The following ZNF385D variants were observed in gnomAD, a reference collection of about 807,000 sequenced individuals.
ZNF385D encodes zinc finger protein 385D, also known as zinc finger protein 659.
In ZNF385D, 15 loss-of-function variants were observed where a neutral mutation model predicts 35.8. That is an observed-to-expected ratio of 0.42 (90% CI 0.28 to 0.64). The LOEUF (loss-of-function observed/expected upper bound fraction) is 0.64, where lower values mean the gene tolerates loss of function less well. ZNF385D is among the 30% of genes least tolerant of loss of function. ZNF385D has a pLI of 0.23. For missense variants in ZNF385D, 474 were observed against 494.6 expected, an observed-to-expected ratio of 0.96 and a Z score of 0.39; for synonymous variants, 212 against 186.8, an observed-to-expected ratio of 1.13 and a Z score of -1.10.
chr3:22,290,003 C>A (rs961021393), intron 2 of ZNF385D, among the ~76,000 whole-genome samples: 2 of 152,074 alleles, frequency 1.3e-5, no homozygotes, highest in African/African-American at 4.8e-5. Context: ...TGAGTTTTAG[C>A]CCCTTTTCTG....
rs1237748022 is a variant in ZNF385D, at chr3:22,029,236, C to A, written c.325+139581G>T. 4.7e-4 allele frequency among the ~76,000 whole-genome samples: 72 copies of A among 152,292 alleles called. 2 individuals carry two copies. In the East Asian group the frequency reaches 0.013, roughly 27 times the overall value. ...TTACAGTGTTGGTTTGGGTGACTTACTTGCACTATCAAGATGAAATTAATC... is the reference window on the plus strand; with the variant it reads ...TTACAGTGTTGGTTTGGGTGACTTAATTGCACTATCAAGATGAAATTAATC... On this transcript the variant is annotated intron_variant, in intron 3 of 5. Transcript: ENST00000494108.
At chr3:22,063,613 G>C (rs1396740165) in intron 3 of ZNF385D, among the ~76,000 whole-genome samples, 2 of 152,142 alleles carry the variant, frequency 1.3e-5, no homozygotes, top group Admixed American at 6.6e-5. Context: ...TATATTTGTA[G>C]AGGATGCTGT....
chr3:21,802,772 T>C (rs2072464924), intron 3 of ZNF385D, among the ~76,000 whole-genome samples: 1 of 152,140 alleles, frequency 6.6e-6, no homozygotes, highest in African/African-American at 2.4e-5. Context: ...AGCATAAAAA[T>C]GCTTACCTGT....
chr3:22,150,073 T>C (rs17648404), intron 3 of ZNF385D, among the ~76,000 whole-genome samples: 10,345 of 152,298 alleles, frequency 0.068, 544 homozygotes, highest in Non-Finnish European at 0.097. Context: ...TGAAGTACTT[T>C]CATCTGCATT....
intron 3 of ZNF385D, among the ~76,000 whole-genome samples, chr3:22,153,464 CTTTTTTT>C (rs769926281): frequency 2.7e-5 from 3 of 109,326 alleles, no homozygotes; most frequent in African/African-American, 1.1e-4. Flanking sequence ...TGAAATTCTT[CTTTTTTT>C]TTTTTTTTTT....
At chr3:21,508,241 G>T (rs233159) in intron 4 of ZNF385D, among the ~76,000 whole-genome samples, 1 of 151,930 alleles carries the variant, frequency 6.6e-6, no homozygotes, top group Non-Finnish European at 1.5e-5. Context: ...GCATGTTTAT[G>T]TTATCTTCAA....
intron 1 of ZNF385D, among the ~76,000 whole-genome samples, chr3:21,717,504 T>C (rs892797884): frequency 6.6e-6 from 1 of 152,204 alleles, no homozygotes; most frequent in Non-Finnish European, 1.5e-5. Context: ...ATACAAAGCC[T>C]CAGCATGTCA....
chr3:21,917,063 T>A (rs1026610000), intron 3 of ZNF385D, among the ~76,000 whole-genome samples: 2 of 152,156 alleles, frequency 1.3e-5, no homozygotes, highest in Admixed American at 1.3e-4. Flanking sequence ...AGAAAGAGAA[T>A]CCATTAAATA....
At chr3:22,131,816 A>G (rs947380166) in intron 3 of ZNF385D, among the ~76,000 whole-genome samples, 5 of 152,202 alleles carry the variant, frequency 3.3e-5, no homozygotes, top group African/African-American at 1.2e-4. Flanking sequence ...TTAAACCTTA[A>G]GGGAAAGTAT....
At chr3:22,111,635 G>T (rs1176711534) in intron 3 of ZNF385D, among the ~76,000 whole-genome samples, 1 of 152,140 alleles carries the variant, frequency 6.6e-6, no homozygotes, top group Non-Finnish European at 1.5e-5. Flanking sequence ...CTGACTTAGT[G>T]AATTGAACAC....
intron 1 of ZNF385D, among the ~76,000 whole-genome samples, chr3:21,707,508 G>A (rs569926262): frequency 1.1e-4 from 17 of 152,272 alleles, no homozygotes; most frequent in Admixed American, 4.6e-4. Flanking sequence ...GACATTGTGA[G>A]TGCTTCTTTG....
intron 2 of ZNF385D, among the ~76,000 whole-genome samples, chr3:22,286,155 TATCA>T (rs1295064686): frequency 6.6e-6 from 1 of 152,128 alleles, no homozygotes; most frequent in Admixed American, 6.6e-5. Context: ...CATTATTTTT[TATCA>T]ATCACATATA....
chr3:21,760,127 G>T (rs917379849), intron 3 of ZNF385D, among the ~76,000 whole-genome samples: 1 of 152,124 alleles, frequency 6.6e-6, no homozygotes, highest in South Asian at 2.1e-4. Context: ...TCTTTGCTAT[G>T]CTCAAACATA....
chr3:21,953,100 C>T (rs1000759472), intron 3 of ZNF385D, among the ~76,000 whole-genome samples: 7 of 151,936 alleles, frequency 4.6e-5, no homozygotes, highest in African/African-American at 1.7e-4. Flanking sequence ...AACCTGAGTA[C>T]TCTACAGTAT....
chr3:22,181,107 T>C (rs1010819783), intron 2 of ZNF385D, among the ~76,000 whole-genome samples: 3 of 152,048 alleles, frequency 2.0e-5, no homozygotes, highest in Non-Finnish European at 2.9e-5. Flanking sequence ...TGCAACCAGT[T>C]TTTCCATAAC....
chr3:21,576,106 T>C (rs1348775576), intron 2 of ZNF385D, among the ~76,000 whole-genome samples: 1 of 152,186 alleles, frequency 6.6e-6, no homozygotes, highest in Non-Finnish European at 1.5e-5. Flanking sequence ...TTACATATAT[T>C]GTCAACTAAA....
intron 5 of ZNF385D, among the ~76,000 whole-genome samples, chr3:21,426,933 T>C (rs1701051350): frequency 6.6e-6 from 1 of 152,220 alleles, no homozygotes; most frequent in Non-Finnish European, 1.5e-5. Flanking sequence ...AGATGGCCTA[T>C]TTTAAATATC....
intron 3 of ZNF385D, among the ~76,000 whole-genome samples, chr3:22,132,724 G>C (rs115639490): frequency 0.011 from 1,603 of 152,008 alleles, 24 homozygotes; most frequent in African/African-American, 0.029. Flanking sequence ...GTGCATAAGA[G>C]ATAGTAATAT....
At chr3:21,897,368 G>A (rs897046260) in intron 3 of ZNF385D, among the ~76,000 whole-genome samples, 1 of 152,164 alleles carries the variant, frequency 6.6e-6, no homozygotes, top group South Asian at 2.1e-4. Flanking sequence ...AAACACAGGA[G>A]ATCCAATGTG....
Sources: gnomAD v4.1 joint callset for allele counts (sites outside exome capture counted in the v4.1 genomes callset) on GRCh38, gnomAD v4.1.1 for gene constraint, MANE v1.5 for transcripts, NCBI Gene and HGNC (gene_info 2026-07-23, HGNC 2026-07-21) for gene names.